Variants in SAMSN1 observed in about 807,000 individuals in gnomAD.
The protein encoded by SAMSN1 is SAM domain, SH3 domain and nuclear localization signals 1, also known as SAM domain-containing protein SAMSN-1.
A neutral mutation model predicts 42.0 loss-of-function variants in SAMSN1; 31 were observed. The observed-to-expected ratio is 0.74, with a 90% confidence interval of 0.55 to 1.00. The LOEUF is 1.00. Ranked by LOEUF, SAMSN1 falls within the 50% of genes least tolerant of loss-of-function variation. The pLI is 0.00. For missense variants in SAMSN1, 464 were observed against 439.4 expected (o/e 1.06, Z -0.50); for synonymous variants, 178 against 151.9 (o/e 1.17, Z -1.26).
chr21:14,519,966 T>C (rs1978347228), intron 2 of SAMSN1, among the ~76,000 whole-genome samples: 1 of 152,186 alleles, frequency 6.6e-6, no homozygotes, highest in Admixed American at 6.5e-5. Context: ...GCCTTTGTCA[T>C]TTACTCACTC....
In SAMSN1 at chr21:14,605,844, ATTTATTTATTTT is replaced by A. The variant is rs1459253176; in HGVS notation, c.322+3626_322+3637del. Among the ~76,000 whole-genome samples the A allele has an allele frequency of 1.3e-3, 195 of 147,908 alleles. 4 individuals carry two copies. Among genetic ancestry groups the A allele is most frequent in the Non-Finnish European group, 1.2e-3 (80 of 66,892 alleles). On this transcript the variant is annotated intron_variant, in intron 5 of 15. Transcript: ENST00000647101. ...TATTTATTTATTTATTTATTTATTT[ATTTATTTATTTT>A]TTTGAGATGGAGTCTCACTCTGTCG...
chr21:14,616,042 A>AATAAAATGAATAAT, intron 2 of SAMSN1: 1 of 575,154 alleles, frequency 1.7e-6, no homozygotes, highest in Non-Finnish European at 3.2e-6. Context: ...AAATGAATAA[A>AATAAAATGAATAAT]ATAAAATAAA....
chr21:14,491,882 A>G (rs1173965161), intron 7 of SAMSN1, among the ~76,000 whole-genome samples: 1 of 152,212 alleles, frequency 6.6e-6, no homozygotes, highest in Admixed American at 6.5e-5. Flanking sequence ...GTCTAAAACT[A>G]TTACTTTTGA....
intron 6 of SAMSN1, among the ~76,000 whole-genome samples, chr21:14,596,962 T>C (rs1385709295): frequency 6.6e-6 from 1 of 152,204 alleles, no homozygotes; most frequent in African/African-American, 2.4e-5. Context: ...TATGCGTCAA[T>C]AGATTTGTAA....
At chr21:14,602,059 G>A (rs924260067) in exon 6 of SAMSN1, 8 of 692,934 alleles carry the variant, frequency 1.2e-5, no homozygotes, top group African/African-American at 3.6e-5. Flanking sequence ...TTCCTTGATA[G>A]GTATGTATGT....
chr21:14,635,445 G>A (rs985603423), intron 2 of SAMSN1, among the ~76,000 whole-genome samples: 6 of 152,128 alleles, frequency 3.9e-5, no homozygotes, highest in African/African-American at 1.2e-4. Context: ...ACATTTGGTG[G>A]GAAATCTAAG....
In SAMSN1 at chr21:14,651,250, T is replaced by G. The variant is rs1462947699; in HGVS notation, c.24+7498A>C. 7.3e-5 allele frequency among the ~76,000 whole-genome samples: 11 copies of G among 151,546 alleles called. No homozygotes were observed. The East Asian group carries it at 1.9e-3, about 27-fold the overall frequency. ...AAAAAAAAAGAAGACTACAGGCCAA[T>G]ATTTCTGATGAATATTAATGCAAAA... On this transcript the variant is annotated intron_variant, in intron 1 of 15. Coordinates refer to the SAMSN1 transcript ENST00000647101.
intron 6 of SAMSN1, among the ~76,000 whole-genome samples, chr21:14,601,539 A>G (rs1460337678): frequency 6.6e-6 from 1 of 152,174 alleles, no homozygotes; most frequent in Non-Finnish European, 1.5e-5. Flanking sequence ...TGACTCATAT[A>G]TCCTCTCTTG....
exon 2 of SAMSN1, chr21:14,643,133 C>T (rs1342874403): frequency 7.0e-6 from 5 of 716,576 alleles, no homozygotes; most frequent in Non-Finnish European, 1.3e-5. Flanking sequence ...ATAGAGCCCT[C>T]CTGCAATACA....
At chr21:14,562,024 G>T (rs1252917621) in intron 2 of SAMSN1, among the ~76,000 whole-genome samples, 2 of 152,244 alleles carry the variant, frequency 1.3e-5, no homozygotes, top group African/African-American at 2.4e-5. Context: ...AATATCTGTG[G>T]CTGTAAGCCA....
intron 3 of SAMSN1, among the ~76,000 whole-genome samples, chr21:14,614,935 C>T (rs1457856500): frequency 6.6e-6 from 1 of 152,178 alleles, no homozygotes. Context: ...AATTGGTCAT[C>T]ATCAGACACT....
intron 2 of SAMSN1, among the ~76,000 whole-genome samples, chr21:14,578,700 A>G (rs1981590015): frequency 2.7e-3 from 1 of 366 alleles, no homozygotes; most frequent in Non-Finnish European, 9.1e-3. Flanking sequence ...AAAAAAAAAA[A>G]AAAAAGACCC....
At chr21:14,611,410 A>T (rs1391126033) in intron 4 of SAMSN1, among the ~76,000 whole-genome samples, 1 of 152,256 alleles carries the variant, frequency 6.6e-6, no homozygotes, top group Non-Finnish European at 1.5e-5. Flanking sequence ...ATGCATTGAT[A>T]ACACAAATGT....
At chr21:14,517,187 T>C (rs1987957009) in intron 2 of SAMSN1, 146 bp from the exon 3 acceptor site, 2 of 676,046 alleles carry the variant, frequency 3.0e-6, no homozygotes. Context: ...AATCCGGACA[T>C]AACACATATT....
At chr21:14,542,026 C>T (rs1046684409) in intron 1 of SAMSN1, among the ~76,000 whole-genome samples, 5 of 150,242 alleles carry the variant, frequency 3.3e-5, no homozygotes, top group East Asian at 1.9e-4. Context: ...AAAGAAGGAA[C>T]GAACGGAAAA....
chr21:14,610,337 C>T (rs901083724), intron 4 of SAMSN1, among the ~76,000 whole-genome samples: 21 of 152,132 alleles, frequency 1.4e-4, no homozygotes, highest in Non-Finnish European at 7.4e-5. Flanking sequence ...GCCCTAGTCT[C>T]CTGCAGTGCC....
rs915248458 is a variant in SAMSN1 at position 14,658,794 on chromosome 21, T to C, written c.-23A>G. On this transcript the variant is annotated 5_prime_UTR_variant, in exon 1 of 16. Transcript: ENST00000647101. ...CATTTTGACCAGCTTCACTCTCTTG[T>C]TGCCCTGCTTTGAAAAATATGATTG... is the stretch of plus-strand genomic sequence containing the variant. The C allele has an allele frequency of 3.5e-5, 25 of 715,308 alleles. No individual in the cohort carries two copies. In the Admixed American group the frequency reaches 4.8e-4, roughly 14 times the overall value. 44.3% of individuals were successfully genotyped at this position (715,308 alleles called of 1,614,324 possible).
chr21:14,493,106 C>T lies in SAMSN1; in HGVS notation c.919+5336G>A, dbSNP rs147437159. ...CTGCGGCCCGCCATTTGCCCTGCAT[C>T]GACTTGGGCAGGCAGGCAGGCAGGC... On this transcript the variant is annotated intron_variant, in intron 7 of 7. Transcript: ENST00000400566. 4.2e-3 allele frequency among the ~76,000 whole-genome samples: 638 copies of T among 152,190 alleles called. 6 individuals carry two copies. The highest frequency in any genetic ancestry group is 0.015 in the African/African-American group (626 of 41,548).
intron 2 of SAMSN1, among the ~76,000 whole-genome samples, chr21:14,635,343 GA>G (rs1983441034): frequency 6.6e-6 from 1 of 151,974 alleles, no homozygotes; most frequent in Non-Finnish European, 1.5e-5. Flanking sequence ...AACTTAAAGT[GA>G]AAAAAATTTA....
Sources: gnomAD v4.1 joint callset for allele counts (sites outside exome capture counted in the v4.1 genomes callset) on GRCh38, gnomAD v4.1.1 for gene constraint, MANE v1.5 for transcripts, NCBI Gene and HGNC (gene_info 2026-07-23, HGNC 2026-07-21) for gene names.